Variants in NME3 observed in about 807,000 individuals in gnomAD.
The protein encoded by NME3 is nucleoside diphosphate kinase C.
NME3 carries 23 observed loss-of-function variants against 15.8 expected under a neutral mutation model. That is an observed-to-expected ratio of 1.45 (90% CI 1.05 to 2.06). The LOEUF (loss-of-function observed/expected upper bound fraction) is 2.06. Ranked by LOEUF, NME3 falls within the 30% of genes most tolerant of loss-of-function variation. The probability of loss-of-function intolerance (pLI) is 0.00; values close to 1 mark genes in which losing one functional copy is unlikely to be tolerated. For synonymous variants in NME3, 157 were observed against 104.4 expected (o/e 1.50, Z -3.07); for missense variants, 354 against 243.2 (o/e 1.46, Z -3.03).
Position 1,771,523 on chromosome 16 carries a change from C to T in NME3, c.12G>A (p.Leu4=). 1 of 1,215,650 alleles carries T rather than the reference C, an allele frequency of 8.2e-7. No homozygotes were observed. Among genetic ancestry groups the T allele is most frequent in the Admixed American group, 4.2e-5 (1 of 23,780 alleles). The allele number at this position is 1,215,650 out of a possible 1,614,324, so 75.3% of individuals were successfully genotyped here. ...AGAGGTTAGCGAAGATGGTCAGCAC[C>T]AGGCAGATCATGATGGCGGTGCGGG... is the stretch of plus-strand genomic sequence containing the variant. MIC[L]VLTIFANLFP... The change falls in exon 1 of 5, where the codon CTG becomes CTA. Residue 4 remains leucine (L), a synonymous_variant. Coordinates refer to ENST00000219302, the MANE Select transcript of NME3 (RefSeq NM_002513.3).
In NME3 at chr16:1,770,476, G is replaced by A. The variant is rs574363719; in HGVS notation, c.*173C>T. ...GCTCCTCGGGCAGGAAACCCTGTAC[G>A]CCAGGGATTGGAGAGGCCTGCGCCA... On this transcript the variant is annotated 3_prime_UTR_variant, in exon 5 of 5. Transcript: ENST00000219302. 111 of 501,582 alleles carry A rather than the reference G, an allele frequency of 2.2e-4. No homozygotes were observed. The highest frequency in any genetic ancestry group is 3.7e-4 in the Non-Finnish European group (106 of 290,196). The allele number at this position is 501,582 out of a possible 1,614,324, so 31.1% of individuals were successfully genotyped here.
Position 1,771,110 on chromosome 16 carries a change from CG to C in NME3, c.238del (p.Arg80AlafsTer54). 6.2e-7 allele frequency: 1 copy of C among 1,610,088 alleles called. No homozygotes were observed. Reference protein sequence around the residue: ...AELRERPFYGRLVKYMASGPV... With the variant: ...AELRERPFYGXLVKYMASGPV... ...CCCGGAGGCCATATACTTGACAAGG[CG>C]GCCGTAGAACGGGCGTTCACGCAGC... On this transcript the variant is annotated frameshift_variant, in exon 3 of 5. Transcript: ENST00000219302. LOFTEE classifies it high-confidence loss of function.
Position 1,770,601 on chromosome 16 carries a change from C to T in NME3, c.*48G>A, listed in dbSNP as rs373124725. 136 of 1,459,768 alleles carry T rather than the reference C, an allele frequency of 9.3e-5. No homozygotes were observed. In the East Asian group the frequency reaches 2.6e-3, roughly 28 times the overall value. The allele number at this position is 1,459,768 out of a possible 1,614,324, so 90.4% of individuals were successfully genotyped here. ...GGCCAGAAGCCCGCCCACCTGGGCC[C>T]TGGAGGAGGCTGGAGTGTGAGAGCC... On this transcript the variant is annotated 3_prime_UTR_variant, in exon 5 of 5. Transcript: ENST00000219302.
At position 1,771,114 on chromosome 16, in the gene NME3, C is replaced by G; in HGVS notation, c.235G>C (p.Gly79Arg). 1 of 1,609,946 alleles carries G rather than the reference C, an allele frequency of 6.2e-7. No homozygotes were observed. The highest frequency in any genetic ancestry group is 8.5e-7 in the Non-Finnish European group (1 of 1,179,224). ...YAELRERPFY[G>R]RLVKYMASGP... ...GAGGCCATATACTTGACAAGGCGGCCGTAGAACGGGCGTTCACGCAGCTCG... is the reference window on the plus strand; with the variant it reads ...GAGGCCATATACTTGACAAGGCGGCGGTAGAACGGGCGTTCACGCAGCTCG... Residue 79 changes from glycine to arginine, a missense_variant, in exon 3 of 5, where the codon GGC becomes CGC. Physicochemically the swap from Gly to Arg is moderately radical, Grantham distance 125. Transcript: ENST00000219302.
rs562237062 is a variant in NME3 at position 1,770,860 on chromosome 16, C to A, written c.392+21G>T. On this transcript the variant is annotated intron_variant, in intron 4 of 4. Transcript: ENST00000219302. The stretch of plus-strand genomic sequence containing the variant: ...GGGGGAGGCCGGACGGGGCTGGGAC[C>A]GTCCCCGGGGCGGGCCTTACTTGCC... 8.3e-6 allele frequency: 13 copies of A among 1,567,496 alleles called. No homozygotes were observed. In the South Asian group the frequency reaches 1.5e-4, roughly 18 times the overall value.
Position 1,770,577 on chromosome 16 carries a change from GC to G in NME3, c.*71del, listed in dbSNP as rs1567222078. ...GATGCTCCAAGCGCTGTGGGGTGGG[GC>G]CAGAAGCCCGCCCACCTGGGCCCTG... On this transcript the variant is annotated 3_prime_UTR_variant, in exon 5 of 5. Coordinates refer to ENST00000219302, the MANE Select transcript of NME3 (RefSeq NM_002513.3). 1 of 1,238,790 alleles carries G rather than the reference GC, an allele frequency of 8.1e-7. No individual in the cohort carries two copies. The allele number at this position is 1,238,790 out of a possible 1,614,324, so 76.7% of individuals were successfully genotyped here. A position where few individuals can be genotyped will look rare whatever the true frequency, so the allele number is the denominator to read the frequency against.
At position 1,771,400 on chromosome 16, in the gene NME3, G is replaced by A; in HGVS notation, c.57C>T (p.Gly19=). ...FANLFPAACT[G]AHERTFLAVK... ...CGGCCAGGAAGGTGCGTTCGTGTGC[G>A]CCGGTGCAGGCTGCGGGGCAGGCGG... is the stretch of plus-strand genomic sequence containing the variant. Residue 19 remains glycine, a synonymous_variant, in exon 2 of 5, where the codon GGC becomes GGT. Transcript: ENST00000219302. 1 of 1,543,912 alleles carries A rather than the reference G, an allele frequency of 6.5e-7. No homozygotes were observed.
At position 1,771,115 on chromosome 16, in the gene NME3, G is replaced by A. The variant is rs1446505085; in HGVS notation, c.234C>T (p.Tyr78=). 9.9e-6 allele frequency: 16 copies of A among 1,609,658 alleles called. No individual in the cohort carries two copies. The highest frequency in any genetic ancestry group is 9.9e-5 in the South Asian group (9 of 90,924). ...AGGCCATATACTTGACAAGGCGGCC[G>A]TAGAACGGGCGTTCACGCAGCTCGG... ...HYAELRERPF[Y]GRLVKYMASG... The change falls in exon 3 of 5, where the codon TAC becomes TAT. Residue 78 remains tyrosine (Y), a synonymous_variant. Transcript: ENST00000219302.
In NME3 at chr16:1,770,725, C is replaced by T. The variant is rs369561097; in HGVS notation, c.434G>A (p.Arg145His). The T allele has an allele frequency of 2.5e-6, 4 of 1,593,470 alleles. No individual in the cohort carries two copies. The highest frequency in any genetic ancestry group is 1.1e-5 in the South Asian group (1 of 88,892). Residue 145 changes from arginine to histidine, a missense_variant, in exon 5 of 5, where the codon CGC (arginine) becomes CAC (histidine). By Grantham distance (29) the Arg-to-His change is conservative (BLOSUM62 0). Transcript: ENST00000219302. ...TGCGCGGAACCAGAGAGCGATCTCG[C>T]GGCGGGCACTCTCCACCGAGTCGCT... ...HGSDSVESAR[R>H]EIALWFRADE...
At position 1,771,274 on chromosome 16, in the gene NME3, C is replaced by T. The variant is rs769187878; in HGVS notation, c.177+6G>A. On this transcript the variant is annotated splice_donor_region_variant and intron_variant, in intron 2 of 4. Coordinates refer to ENST00000219302, the MANE Select transcript of NME3 (RefSeq NM_002513.3). Reference sequence around the variant, plus strand: ...CCGCGCCCCCGCTCGCTCACCGCGCCCCCACCTGCACCAGCTTCAGCGCCA... The same window carrying T: ...CCGCGCCCCCGCTCGCTCACCGCGCTCCCACCTGCACCAGCTTCAGCGCCA... 3 of 1,600,176 alleles carry T rather than the reference C, an allele frequency of 1.9e-6. No homozygotes were observed. Among genetic ancestry groups the T allele is most frequent in the Non-Finnish European group, 2.6e-6 (3 of 1,176,432 alleles).
chr16:1,770,894 T>G lies in NME3; in HGVS notation c.379A>C (p.Ile127Leu). ...PPGTIRGDFC[I>L]EVGKNLIHGS... Reference sequence around the variant, plus strand: ...GGCGGGCCTTACTTGCCAACCTCGATGCAGAAATCCCCGCGGATGGTGCCG... The same window carrying G: ...GGCGGGCCTTACTTGCCAACCTCGAGGCAGAAATCCCCGCGGATGGTGCCG... The change falls in exon 4 of 5, where the codon ATC (isoleucine) becomes CTC (leucine). Residue 127 changes from isoleucine to leucine, a missense_variant. By Grantham distance (5) the Ile-to-Leu change is conservative. Transcript: ENST00000219302. The G allele has an allele frequency of 3.2e-6, 5 of 1,581,576 alleles. No homozygotes were observed. Among genetic ancestry groups the G allele is most frequent in the Non-Finnish European group, 4.3e-6 (5 of 1,160,364 alleles).
rs1316772902 is a variant in NME3, at chr16:1,770,861, G to T, written c.392+20C>A. On this transcript the variant is annotated intron_variant, in intron 4 of 4. Coordinates refer to ENST00000219302, the MANE Select transcript of NME3 (RefSeq NM_002513.3). ...GGGGAGGCCGGACGGGGCTGGGACCGTCCCCGGGGCGGGCCTTACTTGCCA... is the reference window on the plus strand; with the variant it reads ...GGGGAGGCCGGACGGGGCTGGGACCTTCCCCGGGGCGGGCCTTACTTGCCA... The T allele has an allele frequency of 1.3e-6, 2 of 1,566,116 alleles. No homozygotes were observed. Among genetic ancestry groups the T allele is most frequent in the East Asian group, 2.3e-5 (1 of 44,174 alleles).
chr16:1,771,456 C>T (rs2042600903), intron 1 of NME3, 33 bp downstream of exon 1: 7 of 1,373,408 alleles, frequency 5.1e-6, no homozygotes, highest in African/African-American at 1.5e-5. Context: ...CCAGCACCGG[C>T]CACCCGCCCC....
At chr16:1,771,432 G>T in intron 1 of NME3, 22 bp from the exon 2 acceptor site, 1 of 1,512,220 alleles carries the variant, frequency 6.6e-7, no homozygotes, top group African/African-American at 1.4e-5. Context: ...GCGGGGACGG[G>T]CCGTCAGGCC....
Position 1,771,500 on chromosome 16 carries a change from AGGTTAGCGAAGAT to A in NME3, c.22_34del (p.Ile8SerfsTer17), listed in dbSNP as rs2141976298. The A allele has an allele frequency of 7.7e-7, 1 of 1,305,604 alleles. No homozygotes were observed. Among genetic ancestry groups the A allele is most frequent in the East Asian group, 3.1e-5 (1 of 32,112 alleles). The allele number at this position is 1,305,604 out of a possible 1,614,324, so 80.9% of individuals were successfully genotyped here. A position where few individuals can be genotyped will look rare whatever the true frequency, so the allele number is the denominator to read the frequency against. On this transcript the variant is annotated frameshift_variant, in exon 1 of 5. Transcript: ENST00000219302. LOFTEE classifies it high-confidence loss of function. The stretch of plus-strand genomic sequence containing the variant: ...GCCGCGCGGCTCACCCGCGGGGAAG[AGGTTAGCGAAGAT>A]GGTCAGCACCAGGCAGATCATGATG...
Position 1,770,922 on chromosome 16 carries a change from CG to C in NME3, c.350del (p.Pro117ArgfsTer17). 1 of 1,587,668 alleles carries C rather than the reference CG, an allele frequency of 6.3e-7. No individual in the cohort carries two copies. The highest frequency in any genetic ancestry group is 8.6e-7 in the Non-Finnish European group (1 of 1,163,538). The stretch of plus-strand genomic sequence containing the variant: ...AGAAATCCCCGCGGATGGTGCCGGG[CG>C]GGGCGTCGGCCGGGTTCGTGGCTCC... The part of the protein sequence containing the change: ...LIGATNPADA[P>X]PGTIRGDFCI... On this transcript the variant is annotated frameshift_variant, in exon 4 of 5. Coordinates refer to ENST00000219302, the MANE Select transcript of NME3 (RefSeq NM_002513.3). LOFTEE classifies it low-confidence loss of function (END_TRUNC).
chr16:1,770,871 C>G lies in NME3; in HGVS notation c.392+10G>C, dbSNP rs746265763. On this transcript the variant is annotated intron_variant, in intron 4 of 4. Transcript: ENST00000219302. ...GACGGGGCTGGGACCGTCCCCGGGG[C>G]GGGCCTTACTTGCCAACCTCGATGC... The G allele has an allele frequency of 6.4e-7, 1 of 1,566,920 alleles. No homozygotes were observed. The highest frequency in any genetic ancestry group is 1.3e-5 in the African/African-American group (1 of 74,128).
In NME3 at chr16:1,771,499, G is replaced by T. The variant is rs780844739; in HGVS notation, c.36C>A (p.Leu12=). The T allele has an allele frequency of 2.7e-4, 350 of 1,308,050 alleles. 2 individuals are homozygous for T. The highest frequency in any genetic ancestry group is 5.7e-4 in the Middle Eastern group (2 of 3,492). The allele number at this position is 1,308,050 out of a possible 1,614,324, so 81.0% of individuals were successfully genotyped here. A position where few individuals can be genotyped will look rare whatever the true frequency, so the allele number is the denominator to read the frequency against. The change falls in exon 1 of 5, where the codon CTC becomes CTA. Residue 12 remains leucine (L), a synonymous_variant. Transcript: ENST00000219302. ...CGCCGCGCGGCTCACCCGCGGGGAA[G>T]AGGTTAGCGAAGATGGTCAGCACCA... The part of the protein sequence containing the change: ...ICLVLTIFAN[L]FPAACTGAHE...
chr16:1,771,347 A>G lies in NME3; in HGVS notation c.110T>C (p.Leu37Pro). ...GAAGCGCCGCACAATCTCGCCCACC[A>G]GCCGCCGCTGCACGCCGTCCGGCTT... is the stretch of plus-strand genomic sequence containing the variant. The part of the protein sequence containing the change: ...AVKPDGVQRR[L>P]VGEIVRRFER... The change falls in exon 2 of 5, where the codon CTG becomes CCG. Residue 37 changes from leucine to proline, a missense_variant. Leu to Pro is a moderately conservative substitution (Grantham distance 98, BLOSUM62 -3). Transcript: ENST00000219302. 6.3e-7 allele frequency: 1 copy of G among 1,593,846 alleles called. No individual in the cohort carries two copies. Among genetic ancestry groups the G allele is most frequent in the Non-Finnish European group, 8.5e-7 (1 of 1,171,800 alleles).
Sources: gnomAD v4.1 joint callset for allele counts on GRCh38, gnomAD v4.1.1 for gene constraint, MANE v1.5 for transcripts, NCBI Gene and HGNC (gene_info 2026-07-23, HGNC 2026-07-21) for gene names.